The following KLC2 variants were observed in gnomAD, a reference collection of about 807,000 sequenced individuals.
KLC2 encodes the protein kinesin light chain 2.
Under a neutral mutation model 75.1 loss-of-function variants are expected in KLC2, and 35 were observed. The observed-to-expected ratio is 0.47, with a 90% CI of 0.36 to 0.62. The LOEUF (loss-of-function observed/expected upper bound fraction) is 0.62. Among genes scored for constraint, KLC2 ranks in the 20% least tolerant of loss-of-function variants. KLC2 has a pLI of 0.00. For synonymous variants in KLC2, 314 were observed against 336.7 expected (o/e 0.93, Z 0.74); for missense variants, 611 against 833.2 (o/e 0.73, Z 3.28).
At chr11:66,262,399 C>T in intron 4 of KLC2, 1 of 588,756 alleles carries the variant, frequency 1.7e-6, no homozygotes, top group South Asian at 2.0e-5. Flanking sequence ...GCTGTGGAGT[C>T]ACCAGCCTGG....
chr11:66,250,072 T>C, the KLC2 span, among the ~76,000 whole-genome samples: 1 of 152,126 alleles, frequency 6.6e-6, no homozygotes, highest in Non-Finnish European at 1.5e-5. Context: ...GACCTTTCAG[T>C]GCTCACATCC....
In KLC2 at chr11:66,262,201, G is replaced by A. The variant is rs1201168181; in HGVS notation, c.529+9G>A. 1 of 1,611,402 alleles carries A rather than the reference G, an allele frequency of 6.2e-7. No homozygotes were observed. The highest frequency in any genetic ancestry group is 2.2e-5 in the East Asian group (1 of 44,898). The stretch of plus-strand genomic sequence containing the variant: ...GGATGAGCAGAGCCCAGGTGCGGAT[G>A]GGCAGTTCTGGAGTGGGGGAAGGAA... On this transcript the variant is annotated intron_variant, in intron 4 of 15. Coordinates refer to ENST00000394067, the MANE Select transcript of KLC2 (RefSeq NM_001318734.2).
At chr11:66,264,499 C>T in intron 9 of KLC2, 55 bp downstream of exon 9, 2 of 1,265,618 alleles carry the variant, frequency 1.6e-6, no homozygotes, top group East Asian at 2.4e-5. Flanking sequence ...CCCACTCTGC[C>T]ATCAGCACCC....
chr11:66,262,815 C>G lies in KLC2; in HGVS notation c.531C>G (p.Ala177=). 1.9e-6 allele frequency: 3 copies of G among 1,609,274 alleles called. No homozygotes were observed. The highest frequency in any genetic ancestry group is 2.5e-6 in the Non-Finnish European group (3 of 1,178,494). The change falls in exon 5 of 16, where the codon GCC becomes GCG. Residue 177 remains alanine (A), a splice_region_variant and synonymous_variant. Transcript: ENST00000394067. The part of the protein sequence containing the change: ...LFPNEDEQSP[A]PSPGGGDVSG... Reference sequence around the variant, plus strand: ...GACCTCCTGCCCTTGGCCCTGCAGCCCCTAGCCCAGGAGGAGGGGATGTGT... The same window carrying G: ...GACCTCCTGCCCTTGGCCCTGCAGCGCCTAGCCCAGGAGGAGGGGATGTGT...
chr11:66,247,703 T>G, the KLC2 span, among the ~76,000 whole-genome samples: 10 of 151,938 alleles, frequency 6.6e-5, no homozygotes, highest in Non-Finnish European at 1.2e-4. Flanking sequence ...GAATGCAAGC[T>G]CCAAGAAAAG....
intron 11 of KLC2, 148 bp downstream of exon 11, chr11:66,265,383 CA>C: frequency 1.4e-6 from 1 of 738,042 alleles, no homozygotes; most frequent in Non-Finnish European, 2.2e-6. Context: ...CTCTGTCTCC[CA>C]ATTCTCAGCC....
chr11:66,267,438 A>T lies in KLC2; in HGVS notation c.*482A>T. On this transcript the variant is annotated 3_prime_UTR_variant, in exon 16 of 16. Transcript: ENST00000394067. ...TTCTAGTGGTACCGCCCAGGCCTTA[A>T]TCACCCCCATTCCGTGCGGTGGTAT... 1.4e-6 allele frequency: 1 copy of T among 716,226 alleles called. No homozygotes were observed. The highest frequency in any genetic ancestry group is 2.6e-6 in the Non-Finnish European group (1 of 384,668). 44.4% of individuals were successfully genotyped at this position (716,226 alleles called of 1,614,324 possible).
chr11:66,265,196 G>A lies in KLC2; in HGVS notation c.1295G>A (p.Gly432Glu), dbSNP rs764774958. The part of the protein sequence containing the change: ...KDKRRDSAPY[G>E]EYGSWYKACK... ...AAGCGCCGGGACAGCGCCCCCTATG[G>A]GGAATACGGCAGCTGGTACAAGGCC... Residue 432 changes from glycine to glutamate, a missense_variant, in exon 11 of 16, where the codon GGG becomes GAG. Coordinates refer to ENST00000394067, the MANE Select transcript of KLC2 (RefSeq NM_001318734.2). The A allele has an allele frequency of 6.5e-5, 104 of 1,607,516 alleles. No individual in the cohort carries two copies. Among genetic ancestry groups the A allele is most frequent in the Non-Finnish European group, 8.6e-5 (101 of 1,174,974 alleles).
intron 14 of KLC2, 69 bp downstream of exon 14, chr11:66,266,286 G>C (rs2134840299): frequency 6.5e-7 from 1 of 1,537,162 alleles, no homozygotes; most frequent in East Asian, 2.3e-5. Context: ...GACCCAGAGT[G>C]TGCCCCACTG....
chr11:66,264,304 C>T, intron 8 of KLC2, 41 bp from the exon 9 acceptor site: 7 of 1,582,902 alleles, frequency 4.4e-6, no homozygotes, highest in Non-Finnish European at 6.0e-6. Flanking sequence ...AAAGGCTTGG[C>T]TGCATGCATC....
chr11:66,260,470 G>T (rs530113011), intron 2 of KLC2, among the ~76,000 whole-genome samples: 17 of 152,222 alleles, frequency 1.1e-4, no homozygotes, highest in South Asian at 4.1e-4. Flanking sequence ...ATCCTGAACC[G>T]GGAAGGACTG....
rs2298446 is a variant in KLC2, at chr11:66,264,274, G to A, written c.1116+55G>A. Reference sequence around the variant, plus strand: ...TGGGAAGGAGGGAGGCAGGGATGAGGTTGGGGAAGAAGGAGAGAAAAAGGC... The same window carrying A: ...TGGGAAGGAGGGAGGCAGGGATGAGATTGGGGAAGAAGGAGAGAAAAAGGC... On this transcript the variant is annotated intron_variant, in intron 8 of 15. Transcript: ENST00000394067. The A allele has an allele frequency of 0.012, 18,654 of 1,566,648 alleles. 1,140 individuals are homozygous for A. In the East Asian group the frequency reaches 0.16, roughly 14 times the overall value.
intron 2 of KLC2, among the ~76,000 whole-genome samples, chr11:66,260,641 G>A (rs1044451489): frequency 3.3e-5 from 5 of 151,952 alleles, no homozygotes; most frequent in Non-Finnish European, 7.4e-5. Flanking sequence ...CTGTTGCCCA[G>A]GCTGGAGTAT....
intron 2 of KLC2, chr11:66,260,900 A>T (rs531306669): frequency 1.3e-5 from 2 of 151,794 alleles, no homozygotes; most frequent in Admixed American, 1.3e-4. Flanking sequence ...TGGCCAAAAA[A>T]TTTTTTAAAT....
Position 66,267,278 on chromosome 11 carries a change from ACTCGCCGGCCCTTCGGCACC to A in KLC2, c.*329_*348del. ...GACCCCAGAGCCAAGAACACTAAGC[ACTCGCCGGCCCTTCGGCACC>A]CTCGCCCTCCCTCCCGACTCAACCC... On this transcript the variant is annotated 3_prime_UTR_variant, in exon 16 of 16. Coordinates refer to ENST00000394067, the MANE Select transcript of KLC2 (RefSeq NM_001318734.2). The A allele has an allele frequency of 8.5e-7, 1 of 1,182,550 alleles. No individual in the cohort carries two copies. Among genetic ancestry groups the A allele is most frequent in the Non-Finnish European group, 1.2e-6 (1 of 811,352 alleles). The allele number at this position is 1,182,550 out of a possible 1,614,324, so 73.3% of individuals were successfully genotyped here.
At chr11:66,250,163 C>A in the KLC2 span, among the ~76,000 whole-genome samples, 1 of 152,148 alleles carries the variant, frequency 6.6e-6, no homozygotes, top group Non-Finnish European at 1.5e-5. Context: ...TCCCCAACCA[C>A]CCCACCCAAA....
At chr11:66,247,734 G>T in the KLC2 span, among the ~76,000 whole-genome samples, 2 of 151,492 alleles carry the variant, frequency 1.3e-5, no homozygotes, top group Non-Finnish European at 2.9e-5. Flanking sequence ...TTTCCCTGTT[G>T]TATCCTTGGC....
At chr11:66,264,602 G>A (rs941386057) in intron 9 of KLC2, among the ~76,000 whole-genome samples, 158 bp downstream of exon 9, 3 of 152,184 alleles carry the variant, frequency 2.0e-5, no homozygotes, top group African/African-American at 7.2e-5. Context: ...CTGTGCTCAC[G>A]TTTGCACACA....
At chr11:66,258,299 AG>A in intron 1 of KLC2, 2 of 443,664 alleles carry the variant, frequency 4.5e-6, no homozygotes. Flanking sequence ...TGTCCTGGTT[AG>A]GGGGTCCCCG....
Sources: gnomAD v4.1 joint callset for allele counts (sites outside exome capture counted in the v4.1 genomes callset) on GRCh38, gnomAD v4.1.1 for gene constraint, MANE v1.5 for transcripts, NCBI Gene and HGNC (gene_info 2026-07-23, HGNC 2026-07-21) for gene names.